The following EPHA5 variants were observed in gnomAD, a reference collection of about 807,000 sequenced individuals.
EPHA5 encodes the protein EPH receptor A5, also known as ephrin type-A receptor 5.
EPHA5 carries 60 observed loss-of-function variants against 105.0 expected under a neutral mutation model. That is an observed-to-expected ratio of 0.57 (90% CI 0.46 to 0.71). The LOEUF (loss-of-function observed/expected upper bound fraction) is 0.71, where lower values mean the gene tolerates loss of function less well. Among genes scored for constraint, EPHA5 ranks in the 30% least tolerant of loss-of-function variants. The probability of loss-of-function intolerance (pLI) is 0.00; values close to 1 mark genes in which losing one functional copy is unlikely to be tolerated. For synonymous variants in EPHA5, 513 were observed against 449.1 expected, an observed-to-expected ratio of 1.14 and a Z score of -1.80; for missense variants, 1,218 against 1,274.7, an observed-to-expected ratio of 0.96 and a Z score of 0.68.
At chr4:65,576,008 A>G (rs866719467) in intron 3 of EPHA5, among the ~76,000 whole-genome samples, 1,100 of 82,794 alleles carry the variant, frequency 0.013, 33 homozygotes, top group African/African-American at 0.045. Context: ...GAGAGAAAGA[A>G]AGAAAGAAAG....
intron 5 of EPHA5, among the ~76,000 whole-genome samples, chr4:65,477,679 C>T (rs1254453623): frequency 1.3e-5 from 2 of 152,104 alleles, no homozygotes; most frequent in African/African-American, 2.4e-5. Flanking sequence ...TCCCAAAGTG[C>T]TGAGATTATA....
intron 3 of EPHA5, among the ~76,000 whole-genome samples, chr4:65,502,998 T>C (rs573474820): frequency 6.6e-6 from 1 of 151,828 alleles, no homozygotes; most frequent in African/African-American, 2.4e-5. Flanking sequence ...TTATCCTAAG[T>C]GAACTGATGC....
intron 1 of EPHA5, among the ~76,000 whole-genome samples, chr4:65,652,045 T>C (rs2149530344): frequency 6.6e-6 from 1 of 152,276 alleles, no homozygotes; most frequent in East Asian, 1.9e-4. Context: ...TGTATAATCT[T>C]ACATATTGTT....
intron 1 of EPHA5, among the ~76,000 whole-genome samples, chr4:65,646,325 G>A (rs1748109742): frequency 6.6e-6 from 1 of 152,142 alleles, no homozygotes; most frequent in Non-Finnish European, 1.5e-5. Flanking sequence ...CAGAAGAGCT[G>A]AATAGCTGTT....
chr4:65,557,482 CTT>C (rs1738577113), intron 3 of EPHA5, among the ~76,000 whole-genome samples: 1 of 151,636 alleles, frequency 6.6e-6, no homozygotes. Flanking sequence ...ATGTGAAAAT[CTT>C]TGATATAGGC....
chr4:65,345,553 A>G (rs1722133754), intron 14 of EPHA5, among the ~76,000 whole-genome samples: 3 of 152,172 alleles, frequency 2.0e-5, no homozygotes, highest in Non-Finnish European at 2.9e-5. Flanking sequence ...ACAGTAAGAG[A>G]CTGTCAGATG....
chr4:65,418,759 A>G (rs79749857), intron 6 of EPHA5, among the ~76,000 whole-genome samples: 4,706 of 146,384 alleles, frequency 0.032, 83 homozygotes, highest in Admixed American at 0.063. Flanking sequence ...TCTTTGTTGT[A>G]TTTTTACACA....
intron 5 of EPHA5, among the ~76,000 whole-genome samples, chr4:65,484,511 T>C (rs796492193): frequency 3.9e-5 from 6 of 152,286 alleles, no homozygotes; most frequent in African/African-American, 1.4e-4. Context: ...GCAAGTTTGC[T>C]GCATTTTGCT....
chr4:65,376,532 G>A (rs1397629180), intron 8 of EPHA5, among the ~76,000 whole-genome samples: 1 of 151,998 alleles, frequency 6.6e-6, no homozygotes, highest in Non-Finnish European at 1.5e-5. Context: ...GAAATTACAT[G>A]TGGCTTTGTT....
intron 3 of EPHA5, among the ~76,000 whole-genome samples, chr4:65,595,043 A>G (rs1345118937): frequency 6.6e-6 from 1 of 151,956 alleles, no homozygotes; most frequent in African/African-American, 2.4e-5. Context: ...AAATTAATGT[A>G]TTAAAATAGA....
intron 14 of EPHA5, among the ~76,000 whole-genome samples, chr4:65,338,093 T>C (rs1721356190): frequency 6.6e-6 from 1 of 151,906 alleles, no homozygotes; most frequent in Non-Finnish European, 1.5e-5. Flanking sequence ...AACAGATACA[T>C]GAGAAACATA....
chr4:65,496,049 C>G (rs1368069767), intron 3 of EPHA5, among the ~76,000 whole-genome samples: 9 of 152,020 alleles, frequency 5.9e-5, no homozygotes, highest in Admixed American at 5.9e-4. Flanking sequence ...CATAGATGAC[C>G]TGATATATCA....
At chr4:65,529,059 A>T (rs1364020141) in intron 3 of EPHA5, among the ~76,000 whole-genome samples, 3 of 152,194 alleles carry the variant, frequency 2.0e-5, no homozygotes, top group African/African-American at 4.8e-5. Flanking sequence ...CAATTAAAAC[A>T]TCTCACAGTT....
At chr4:65,619,984 A>G (rs1220585057) in intron 2 of EPHA5, among the ~76,000 whole-genome samples, 1 of 150,850 alleles carries the variant, frequency 6.6e-6, no homozygotes, top group Non-Finnish European at 1.5e-5. Context: ...AATGACCCAG[A>G]ACAGAGTTTT....
chr4:65,465,510 A>G lies in EPHA5; in HGVS notation c.1402+24867T>C, dbSNP rs187553287. 1.7e-3 allele frequency among the ~76,000 whole-genome samples: 211 copies of G among 124,870 alleles called. 8 individuals carry two copies. Among genetic ancestry groups the G allele is most frequent in the Middle Eastern group, 4.1e-3 (1 of 246 alleles). 81.9% of individuals were successfully genotyped at this position (124,870 alleles called of 152,430 possible). A position where few individuals can be genotyped will look rare whatever the true frequency, so the allele number is the denominator to read the frequency against. ...AAGAAAGAAAGAAAGAAAGAAAGAA[A>G]GAAAGAAAGAAAGAAAGAAAAGAAA... On this transcript the variant is annotated intron_variant, in intron 5 of 16. Transcript: ENST00000613740.
intron 6 of EPHA5, among the ~76,000 whole-genome samples, chr4:65,415,962 G>A (rs1723344266): frequency 6.6e-6 from 1 of 151,812 alleles, no homozygotes; most frequent in Non-Finnish European, 1.5e-5. Context: ...GAATAAACCT[G>A]ATAATATTAT....
intron 3 of EPHA5, among the ~76,000 whole-genome samples, chr4:65,556,627 T>C (rs1001553367): frequency 2.0e-5 from 3 of 152,154 alleles, no homozygotes; most frequent in Non-Finnish European, 4.4e-5. Flanking sequence ...ATTTAGAGGA[T>C]TCTAAGTATT....
Position 65,669,581 on chromosome 4 carries a change from CA to C in EPHA5, c.161del (p.Leu54ArgfsTer8). On this transcript the variant is annotated frameshift_variant, in exon 1 of 17. Coordinates refer to ENST00000613740, the MANE Select transcript of EPHA5 (RefSeq NM_001281766.3). LOFTEE classifies it high-confidence loss of function. ...CCCTACCTTCGTTGCTGGGGCTGGC[CA>C]GGAGGGTCCGGAGTGCGGCGCACAG... The part of the protein sequence containing the change: ...LLLCAALRTL[L>X]ASPSNEVNLL... 7.0e-7 allele frequency: 1 copy of C among 1,428,518 alleles called. No individual in the cohort carries two copies. Among genetic ancestry groups the C allele is most frequent in the Non-Finnish European group, 9.2e-7 (1 of 1,086,282 alleles). The allele number at this position is 1,428,518 out of a possible 1,614,324, so 88.5% of individuals were successfully genotyped here. A position where few individuals can be genotyped will look rare whatever the true frequency, so the allele number is the denominator to read the frequency against.
At chr4:65,592,197 C>T (rs965646671) in intron 3 of EPHA5, among the ~76,000 whole-genome samples, 5 of 152,070 alleles carry the variant, frequency 3.3e-5, no homozygotes, top group South Asian at 2.1e-4. Flanking sequence ...AACAGCTTGA[C>T]GTTCCTGTTA....
Sources: gnomAD v4.1 joint callset for allele counts (sites outside exome capture counted in the v4.1 genomes callset) on GRCh38, gnomAD v4.1.1 for gene constraint, MANE v1.5 for transcripts, NCBI Gene and HGNC (gene_info 2026-07-23, HGNC 2026-07-21) for gene names.